The following CFAP70 variants were observed in gnomAD, a reference collection of about 807,000 sequenced individuals.
The protein encoded by CFAP70 is cilia- and flagella-associated protein 70.
In CFAP70, 81 loss-of-function variants were observed where a neutral mutation model predicts 137.6. The observed-to-expected ratio is 0.59, with a 90% CI of 0.49 to 0.71. CFAP70 has a LOEUF of 0.71. Among genes scored for constraint, CFAP70 ranks in the 30% least tolerant of loss-of-function variants. The pLI is 0.00. For missense variants in CFAP70, 976 were observed against 1,226.7 expected (o/e 0.80, Z 3.05); for synonymous variants, 382 against 423.6 (o/e 0.90, Z 1.20).
In CFAP70 at chr10:73,275,690, G is replaced by A. The variant is rs1013869412; in HGVS notation, c.2521-92C>T. ...TTCTGTCTCTGATAATAAATAATAC[G>A]AAATGTATTACAGAATGAAATAATT... On this transcript the variant is annotated intron_variant, in intron 21 of 26. Transcript: ENST00000310715. The surrounding 1 kb of genome is among the most constrained non-coding windows in gnomAD (Gnocchi z 4.0). 24 of 1,091,474 alleles carry A rather than the reference G, an allele frequency of 2.2e-5. No homozygotes were observed. The highest frequency in any genetic ancestry group is 5.8e-5 in the Admixed American group (2 of 34,540). 67.6% of individuals were successfully genotyped at this position (1,091,474 alleles called of 1,614,324 possible).
intron 5 of CFAP70, among the ~76,000 whole-genome samples, chr10:73,343,534 C>T (rs1484778684): frequency 6.6e-6 from 1 of 152,058 alleles, no homozygotes; most frequent in African/African-American, 2.4e-5. Flanking sequence ...CATGGTGAAA[C>T]CCCCTCTCTA....
At chr10:73,266,593 T>A (rs1022100431) in intron 25 of CFAP70, among the ~76,000 whole-genome samples, 8 of 152,180 alleles carry the variant, frequency 5.3e-5, no homozygotes, top group Admixed American at 2.0e-4. Flanking sequence ...ATATAATAGT[T>A]TAGATTTTGG....
intron 12 of CFAP70, among the ~76,000 whole-genome samples, chr10:73,302,583 A>G (rs2049030402): frequency 6.6e-6 from 1 of 152,224 alleles, no homozygotes; most frequent in South Asian, 2.1e-4. Context: ...TACTCGCACC[A>G]GCTTATATGA....
chr10:73,297,217 C>T (rs1345582155), intron 14 of CFAP70, 44 bp from the exon 16 acceptor site: 1 of 1,584,976 alleles, frequency 6.3e-7, no homozygotes, highest in Non-Finnish European at 8.6e-7. Context: ...CAGTCCAGCA[C>T]CATGCTGAGA....
Position 73,291,869 on chromosome 10 carries a change from T to G in CFAP70, c.1904+12A>C, listed in dbSNP as rs2048206125. On this transcript the variant is annotated intron_variant, in intron 17 of 26. Transcript: ENST00000310715. ...CCTTCCCACTGATTCCTCATCTCCCTTCCACCTATACCTGTGGATATGACT... is the reference window on the plus strand; with the variant it reads ...CCTTCCCACTGATTCCTCATCTCCCGTCCACCTATACCTGTGGATATGACT... The G allele has an allele frequency of 3.1e-6, 5 of 1,613,936 alleles. No homozygotes were observed. The South Asian group carries it at 5.5e-5, about 18-fold the overall frequency.
intron 25 of CFAP70, among the ~76,000 whole-genome samples, chr10:73,263,499 A>G (rs1368487430): frequency 6.6e-6 from 1 of 152,188 alleles, no homozygotes; most frequent in East Asian, 1.9e-4. Flanking sequence ...TAACACTGGC[A>G]TTTTTTAAAA....
rs370512268 is a variant in CFAP70, at chr10:73,347,996, ACTCTGCCTTATTAT to A, written c.349+413_349+426del. Among the ~76,000 whole-genome samples, 1,174 of 152,224 alleles carry A rather than the reference ACTCTGCCTTATTAT, an allele frequency of 7.7e-3. 13 individuals are homozygous for A. The highest frequency in any genetic ancestry group is 0.027 in the African/African-American group (1,109 of 41,532). ...TAGACTGTGGGCTTTTCAAAGTAGG[ACTCTGCCTTATTAT>A]CTTTGTTTCCCAGAATCTAACACTA... On this transcript the variant is annotated intron_variant, in intron 4 of 26. Coordinates refer to ENST00000310715, the Ensembl canonical transcript of CFAP70.
chr10:73,318,180 T>A (rs953058631), intron 9 of CFAP70, among the ~76,000 whole-genome samples: 2 of 152,156 alleles, frequency 1.3e-5, no homozygotes, highest in African/African-American at 4.8e-5. Context: ...TCCTTAGCTT[T>A]TCATGCATTA....
chr10:73,335,226 T>C (rs1405825884), intron 7 of CFAP70, among the ~76,000 whole-genome samples: 1 of 152,056 alleles, frequency 6.6e-6, no homozygotes, highest in Non-Finnish European at 1.5e-5. Flanking sequence ...GAATAAGCAT[T>C]CACCTTGGTT....
exon 13 of CFAP70, chr10:73,299,628 G>C: frequency 1.9e-6 from 3 of 1,612,982 alleles, no homozygotes; most frequent in Non-Finnish European, 2.5e-6. Context: ...CCTGTCCGAC[G>C]GGTAAGAGGA....
chr10:73,341,647 T>G, intron 5 of CFAP70, 66 bp from the exon 7 acceptor site: 1 of 1,370,908 alleles, frequency 7.3e-7, no homozygotes, highest in Non-Finnish European at 1.0e-6. Flanking sequence ...AAGAAGATTA[T>G]TCAAGTGTCT....
At chr10:73,357,239 T>C (rs1018004789) in intron 1 of CFAP70, among the ~76,000 whole-genome samples, 1 of 152,202 alleles carries the variant, frequency 6.6e-6, no homozygotes, top group Non-Finnish European at 1.5e-5. Context: ...TAAATCTCTA[T>C]TTGATTGAAA....
chr10:73,356,818 G>A (rs1258451206), intron 1 of CFAP70, among the ~76,000 whole-genome samples: 1 of 152,112 alleles, frequency 6.6e-6, no homozygotes, highest in Non-Finnish European at 1.5e-5. Context: ...CCTTCTGCTA[G>A]ACTGTAACAA....
intron 9 of CFAP70, among the ~76,000 whole-genome samples, chr10:73,320,795 T>A (rs1438212894): frequency 6.6e-6 from 1 of 151,946 alleles, no homozygotes; most frequent in Admixed American, 6.6e-5. Flanking sequence ...AGCCTCCTGA[T>A]AGCTGGAACT....
intron 24 of CFAP70, among the ~76,000 whole-genome samples, chr10:73,270,970 C>T (rs879827340): frequency 2.0e-5 from 3 of 152,166 alleles, no homozygotes; most frequent in Non-Finnish European, 4.4e-5. Flanking sequence ...AATCAACCTA[C>T]ATTTGCCAAG....
At chr10:73,270,438 C>A in intron 24 of CFAP70, among the ~76,000 whole-genome samples, 1 of 104,218 alleles carries the variant, frequency 9.6e-6, no homozygotes, top group African/African-American at 4.2e-5. Context: ...CCTCTCTCCT[C>A]TCCCCTCCCC....
intron 19 of CFAP70, among the ~76,000 whole-genome samples, chr10:73,289,332 C>T (rs1289165288): frequency 6.6e-6 from 1 of 151,962 alleles, no homozygotes; most frequent in African/African-American, 2.4e-5. Context: ...GTTGCCCAGG[C>T]TGGAGTGCAG....
At chr10:73,335,179 C>T (rs1354723975) in intron 7 of CFAP70, among the ~76,000 whole-genome samples, 1 of 151,378 alleles carries the variant, frequency 6.6e-6, no homozygotes. Flanking sequence ...AGGCATGAGC[C>T]ACCAGGCCCA....
chr10:73,353,471 G>T (rs1481175457), intron 3 of CFAP70, 85 bp downstream of exon 3: 1 of 1,211,564 alleles, frequency 8.3e-7, no homozygotes, highest in Non-Finnish European at 1.2e-6. Flanking sequence ...ATGTTTAAAA[G>T]AATGTTTTGG....
Sources: allele counts gnomAD v4.1 joint callset (sites outside exome capture counted in the v4.1 genomes callset), GRCh38; gene constraint gnomAD v4.1.1; non-coding constraint Gnocchi (gnomAD v3.1); transcripts MANE v1.5; gene names NCBI Gene and HGNC (gene_info 2026-07-23, HGNC 2026-07-21).